BTBD9: variants seen among roughly 807,000 people sequenced by gnomAD.
BTBD9 encodes the protein BTB/POZ domain-containing protein 9.
Under a neutral mutation model 64.3 loss-of-function variants are expected in BTBD9, and 49 were observed. The observed-to-expected ratio is 0.76, with a 90% CI of 0.61 to 0.97. The LOEUF (loss-of-function observed/expected upper bound fraction) is 0.97. Ranked by LOEUF, BTBD9 falls within the 50% of genes least tolerant of loss-of-function variation. The pLI is 0.00. For synonymous variants in BTBD9, 260 were observed against 274.7 expected, an observed-to-expected ratio of 0.95 and a Z score of 0.53; for missense variants, 598 against 762.1, an observed-to-expected ratio of 0.78 and a Z score of 2.53.
chr6:38,178,843 G>A (rs1222693244), intron 10 of BTBD9, among the ~76,000 whole-genome samples: 1 of 149,566 alleles, frequency 6.7e-6, no homozygotes, highest in Non-Finnish European at 1.5e-5. Flanking sequence ...GACAAAGGAG[G>A]CTATTTATTT....
intron 6 of BTBD9, among the ~76,000 whole-genome samples, chr6:38,560,499 C>T (rs879486373): frequency 3.9e-5 from 6 of 152,132 alleles, no homozygotes; most frequent in Admixed American, 3.9e-4. Context: ...AAAAACATAA[C>T]ATTACTGCTA....
intron 6 of BTBD9, among the ~76,000 whole-genome samples, chr6:38,443,357 A>G (rs1769128307): frequency 6.6e-6 from 1 of 152,160 alleles, no homozygotes; most frequent in African/African-American, 2.4e-5. Flanking sequence ...CCACACCTCA[A>G]TGCCTACAGA....
chr6:38,528,985 G>A (rs7743741), intron 6 of BTBD9, among the ~76,000 whole-genome samples: 230 of 152,284 alleles, frequency 1.5e-3, no homozygotes, highest in African/African-American at 5.1e-3. Context: ...TGGGCTCCTG[G>A]AGTCCCCAGT....
intron 9 of BTBD9, among the ~76,000 whole-genome samples, chr6:38,210,039 G>T (rs1762776432): frequency 1.3e-5 from 2 of 152,126 alleles, no homozygotes; most frequent in South Asian, 4.1e-4. Flanking sequence ...TGTCCCAGGG[G>T]CGTCCATGGC....
intron 6 of BTBD9, among the ~76,000 whole-genome samples, chr6:38,458,006 A>G (rs1421642083): frequency 6.6e-6 from 1 of 152,190 alleles, no homozygotes; most frequent in Non-Finnish European, 1.5e-5. Flanking sequence ...GGATTGCTGA[A>G]GACAAACAAC....
chr6:38,326,648 C>T (rs1476846088), intron 7 of BTBD9, among the ~76,000 whole-genome samples: 1 of 151,590 alleles, frequency 6.6e-6, no homozygotes, highest in Admixed American at 6.6e-5. Context: ...TCTCTCTGAT[C>T]ATGTATATTT....
Position 38,541,252 on chromosome 6 carries a change from T to C in BTBD9, c.1154+36348A>G, listed in dbSNP as rs144870855. ...TATTTGAACATGTTATTACTGACAA[T>C]AGACAATAAGCTTCATGGTTTTGTT... is the stretch of plus-strand genomic sequence containing the variant. On this transcript the variant is annotated intron_variant, in intron 6 of 10. Transcript: ENST00000481247. Among the ~76,000 whole-genome samples, 334 of 152,338 alleles carry C rather than the reference T, an allele frequency of 2.2e-3. 2 individuals are homozygous for C. Among genetic ancestry groups the C allele is most frequent in the African/African-American group, 7.7e-3 (321 of 41,586 alleles).
At chr6:38,244,924 T>A (rs897994543) in intron 9 of BTBD9, among the ~76,000 whole-genome samples, 4 of 152,240 alleles carry the variant, frequency 2.6e-5, no homozygotes, top group African/African-American at 9.6e-5. Context: ...TTCTCTCCCA[T>A]AAACTCTTCC....
intron 10 of BTBD9, among the ~76,000 whole-genome samples, chr6:38,181,934 G>A (rs1476761441): frequency 6.6e-6 from 1 of 152,196 alleles, no homozygotes; most frequent in Non-Finnish European, 1.5e-5. Flanking sequence ...GTTGCAGTGA[G>A]CCGAGATCGC....
At chr6:38,428,892 G>A (rs898536790) in intron 6 of BTBD9, among the ~76,000 whole-genome samples, 18 of 151,374 alleles carry the variant, frequency 1.2e-4, no homozygotes, top group African/African-American at 3.9e-4. Flanking sequence ...TGTATGTTTA[G>A]TAGAGACGGG....
At chr6:38,248,901 G>A (rs1246617284) in intron 9 of BTBD9, among the ~76,000 whole-genome samples, 1 of 152,224 alleles carries the variant, frequency 6.6e-6, no homozygotes, top group Non-Finnish European at 1.5e-5. Context: ...GAACTGGGCA[G>A]ATTTCCATAC....
rs1207770840 is a variant in BTBD9 at position 38,171,550 on chromosome 6, A to C, written c.*3435T>G. 7.0e-6 allele frequency: 1 copy of C among 142,358 alleles called. No homozygotes were observed. Among genetic ancestry groups the C allele is most frequent in the African/African-American group, 2.7e-5 (1 of 37,702 alleles). 8.8% of individuals were successfully genotyped at this position (142,358 alleles called of 1,614,324 possible). On this transcript the variant is annotated 3_prime_UTR_variant, in exon 11 of 11. Transcript: ENST00000481247. ...CAGAAAAAGCACTGAGAAAATGGTAAAACGGGTGTGTGTGTGTGTGTGTGT... is the reference window on the plus strand; with the variant it reads ...CAGAAAAAGCACTGAGAAAATGGTACAACGGGTGTGTGTGTGTGTGTGTGT...
At chr6:38,335,302 G>T (rs1368516586) in intron 7 of BTBD9, among the ~76,000 whole-genome samples, 2 of 150,522 alleles carry the variant, frequency 1.3e-5, no homozygotes, top group Non-Finnish European at 2.9e-5. Flanking sequence ...GGCCAGACCG[G>T]AGTGCAGCAG....
intron 1 of BTBD9, among the ~76,000 whole-genome samples, chr6:38,603,253 T>A (rs776379383): frequency 4.5e-4 from 69 of 152,240 alleles, no homozygotes; most frequent in Non-Finnish European, 8.1e-4. Flanking sequence ...GGACCTCATA[T>A]GAATTTACTT....
chr6:38,436,949 C>A (rs1768772035), intron 6 of BTBD9, among the ~76,000 whole-genome samples: 1 of 152,200 alleles, frequency 6.6e-6, no homozygotes, highest in South Asian at 2.1e-4. Context: ...ATGTGTACCA[C>A]TCTTCAATCA....
intron 6 of BTBD9, among the ~76,000 whole-genome samples, chr6:38,425,144 G>T: frequency 7.4e-6 from 1 of 135,778 alleles, no homozygotes; most frequent in Non-Finnish European, 1.5e-5. Flanking sequence ...TGAGAGTCTT[G>T]CTCTGTCATC....
At chr6:38,527,298 A>AAAAAAAAT (rs1773554130) in intron 6 of BTBD9, among the ~76,000 whole-genome samples, 1 of 118,082 alleles carries the variant, frequency 8.5e-6, no homozygotes, top group Non-Finnish European at 1.8e-5. Flanking sequence ...AAAAAAAAAG[A>AAAAAAAAT]TGTGATTTGG....
intron 9 of BTBD9, among the ~76,000 whole-genome samples, chr6:38,210,766 C>T (rs575108469): frequency 7.2e-5 from 11 of 152,262 alleles, no homozygotes; most frequent in Non-Finnish European, 1.3e-4. Flanking sequence ...TGTGTTCTTT[C>T]CAATAGGGTT....
At chr6:38,397,227 C>T (rs1021466182) in intron 6 of BTBD9, among the ~76,000 whole-genome samples, 11 of 152,088 alleles carry the variant, frequency 7.2e-5, no homozygotes, top group Non-Finnish European at 1.3e-4. Context: ...TCTTTTTTAA[C>T]GTAGCTACTA....
Sources: gnomAD v4.1 joint callset for allele counts (sites outside exome capture counted in the v4.1 genomes callset) on GRCh38, gnomAD v4.1.1 for gene constraint, MANE v1.5 for transcripts, NCBI Gene and HGNC (gene_info 2026-07-23, HGNC 2026-07-21) for gene names.